The following PRKCQ variants were observed in gnomAD, a reference collection of about 807,000 sequenced individuals.
The protein encoded by PRKCQ is protein kinase C theta type.
Under a neutral mutation model 91.2 loss-of-function variants are expected in PRKCQ, and 41 were observed. That is an observed-to-expected ratio of 0.45 (90% CI 0.35 to 0.58). The LOEUF is 0.58. PRKCQ is among the 20% of genes least tolerant of loss of function. The probability of loss-of-function intolerance (pLI) is 0.00; values close to 1 mark genes in which losing one functional copy is unlikely to be tolerated. For synonymous variants in PRKCQ, 307 were observed against 316.9 expected, an observed-to-expected ratio of 0.97 and a Z score of 0.33; for missense variants, 673 against 896.5, an observed-to-expected ratio of 0.75 and a Z score of 3.18.
intron 4 of PRKCQ, among the ~76,000 whole-genome samples, chr10:6,506,534 C>T (rs766134228): frequency 3.3e-5 from 5 of 152,078 alleles, no homozygotes; most frequent in Admixed American, 6.5e-5. Context: ...AACATAACCG[C>T]AATATTATTA....
At chr10:6,556,044 G>T (rs1438065903) in intron 1 of PRKCQ, among the ~76,000 whole-genome samples, 1 of 152,032 alleles carries the variant, frequency 6.6e-6, no homozygotes, top group Non-Finnish European at 1.5e-5. Flanking sequence ...ACAAAACCAG[G>T]ATATGGTTTA....
the PRKCQ span, among the ~76,000 whole-genome samples, chr10:6,413,975 G>A: frequency 1.3e-5 from 2 of 152,328 alleles, no homozygotes; most frequent in African/African-American, 4.8e-5. Flanking sequence ...CAGCCCTGAC[G>A]ACATTGGACA....
chr10:6,495,839 A>G (rs538695203), intron 7 of PRKCQ, among the ~76,000 whole-genome samples: 1 of 152,118 alleles, frequency 6.6e-6, no homozygotes, highest in East Asian at 1.9e-4. Context: ...AAAATTACCT[A>G]TTGGGTGTAA....
intron 1 of PRKCQ, among the ~76,000 whole-genome samples, chr10:6,572,298 A>G (rs1003388073): frequency 1.3e-5 from 2 of 151,976 alleles, no homozygotes; most frequent in Non-Finnish European, 2.9e-5. Flanking sequence ...TAAACGTGCC[A>G]TGGTGGTTTG....
chr10:6,432,492 C>T (rs1833472592), intron 16 of PRKCQ, among the ~76,000 whole-genome samples: 1 of 152,200 alleles, frequency 6.6e-6, no homozygotes, highest in South Asian at 2.1e-4. Flanking sequence ...CTTCCTCTCT[C>T]CCCCTTACCA....
At chr10:6,418,219 G>C in the PRKCQ span, among the ~76,000 whole-genome samples, 20 of 152,138 alleles carry the variant, frequency 1.3e-4, no homozygotes. Flanking sequence ...TAAAAAGAAA[G>C]GAAAAGATGC....
At position 6,497,114 on chromosome 10, in the gene PRKCQ, T is replaced by A. The variant is rs370454392; in HGVS notation, c.581A>T (p.Asn194Ile). ...NKQGYQCRQCNAAIHKKCIDK... is the reference protein window; with the variant it reads ...NKQGYQCRQCIAAIHKKCIDK... ...AATACACTTCTTGTGAATTGCTGCATTGCATTCTGAAAAGAAGAAAAAAAT... is the reference window on the plus strand; with the variant it reads ...AATACACTTCTTGTGAATTGCTGCAATGCATTCTGAAAAGAAGAAAAAAAT... The change falls in exon 7 of 18, where the codon AAT (asparagine) becomes ATT (isoleucine). Residue 194 changes from asparagine to isoleucine, a missense_variant. Asn to Ile is a moderately radical substitution (Grantham distance 149). Coordinates refer to ENST00000263125, the MANE Select transcript of PRKCQ (RefSeq NM_006257.5). This position sits in a 1 kb window ranked among gnomAD's most constrained non-coding sequence, Gnocchi z 4.5. The A allele has an allele frequency of 6.2e-7, 1 of 1,613,878 alleles. No homozygotes were observed. The highest frequency in any genetic ancestry group is 1.3e-5 in the African/African-American group (1 of 74,898).
At position 6,498,744 on chromosome 10, in the gene PRKCQ, C is replaced by G. The variant is rs45503394; in HGVS notation, c.380-186G>C. Among the ~76,000 whole-genome samples, 2,147 of 152,262 alleles carry G rather than the reference C, an allele frequency of 0.014. 18 individuals are homozygous for G. Among genetic ancestry groups the G allele is most frequent in the Non-Finnish European group, 0.022 (1,510 of 68,020 alleles). ...AAGCATCTTTCCTCAAATTCTACAA[C>G]ACAGATTCATCATAGGGCATATTGT... On this transcript the variant is annotated intron_variant, in intron 4 of 17. Transcript: ENST00000263125.
intron 8 of PRKCQ, 106 bp from the exon 9 acceptor site, chr10:6,486,250 A>G: frequency 1.1e-6 from 1 of 885,470 alleles, no homozygotes; most frequent in Non-Finnish European, 1.8e-6. Context: ...AGGAAAGCCT[A>G]AAGTGCCACG....
At chr10:6,483,383 A>C in intron 11 of PRKCQ, 57 bp downstream of exon 11, 1 of 1,602,894 alleles carries the variant, frequency 6.2e-7, no homozygotes, top group South Asian at 1.1e-5. Flanking sequence ...TTGACCAGGA[A>C]CTTGGCTCAT....
chr10:6,577,002 AAAT>A (rs1310216953), intron 1 of PRKCQ, among the ~76,000 whole-genome samples: 4 of 152,186 alleles, frequency 2.6e-5, no homozygotes, highest in Non-Finnish European at 4.4e-5. Context: ...CATAAATTCT[AAAT>A]AATAAAGACT....
At chr10:6,420,878 T>C in the PRKCQ span, among the ~76,000 whole-genome samples, 3 of 109,864 alleles carry the variant, frequency 2.7e-5, no homozygotes, top group African/African-American at 1.1e-4. Flanking sequence ...GTAGATCTTT[T>C]TTTCATTTGT....
At chr10:6,459,063 T>G (rs555456829) in intron 14 of PRKCQ, among the ~76,000 whole-genome samples, 50 of 152,336 alleles carry the variant, frequency 3.3e-4, no homozygotes, top group African/African-American at 1.2e-3. Context: ...TGAAGCTGGA[T>G]GCACCTGTTG....
chr10:6,496,724 G>A (rs1022953117), intron 7 of PRKCQ, among the ~76,000 whole-genome samples: 8 of 151,668 alleles, frequency 5.3e-5, no homozygotes, highest in Non-Finnish European at 8.8e-5. Context: ...GCCCAGACTG[G>A]AGTGCGGTGG....
downstream of PRKCQ, among the ~76,000 whole-genome samples, chr10:6,424,104 A>G (rs192676385): frequency 6.6e-6 from 1 of 152,134 alleles, no homozygotes; most frequent in Admixed American, 6.5e-5. Flanking sequence ...GTAAACAAGC[A>G]AAATTCTCGG....
chr10:6,499,561 C>T (rs1837791799), intron 4 of PRKCQ, among the ~76,000 whole-genome samples: 1 of 152,026 alleles, frequency 6.6e-6, no homozygotes, highest in Non-Finnish European at 1.5e-5. Flanking sequence ...AAATGATACA[C>T]AAATAAATAT....
At chr10:6,554,040 G>A (rs1269512367) in intron 1 of PRKCQ, among the ~76,000 whole-genome samples, 2 of 152,046 alleles carry the variant, frequency 1.3e-5, no homozygotes, top group Non-Finnish European at 2.9e-5. Flanking sequence ...GTTCAAGTAG[G>A]GAAGAAAGAC....
At chr10:6,511,390 T>C (rs1186844747) in intron 2 of PRKCQ, among the ~76,000 whole-genome samples, 196 bp from the exon 3 acceptor site, 1 of 152,196 alleles carries the variant, frequency 6.6e-6, no homozygotes, top group East Asian at 1.9e-4. Flanking sequence ...TGCAAGGTGA[T>C]GCATTGAACC....
At position 6,427,706 on chromosome 10, in the gene PRKCQ, A is replaced by C; in HGVS notation, c.*501T>G. 6.4e-6 allele frequency: 1 copy of C among 155,354 alleles called. No individual in the cohort carries two copies. The highest frequency in any genetic ancestry group is 1.4e-5 in the Non-Finnish European group (1 of 69,840). 9.6% of individuals were successfully genotyped at this position (155,354 alleles called of 1,614,324 possible). A position where few individuals can be genotyped will look rare whatever the true frequency, so the allele number is the denominator to read the frequency against. On this transcript the variant is annotated 3_prime_UTR_variant, in exon 18 of 18. Transcript: ENST00000263125. The stretch of plus-strand genomic sequence containing the variant: ...CCTATCCAGGGCTGGCCCCCCAGCC[A>C]TTTACACATCCACAGATAGGAATAG...
Sources: allele counts gnomAD v4.1 joint callset (sites outside exome capture counted in the v4.1 genomes callset), GRCh38; gene constraint gnomAD v4.1.1; non-coding constraint Gnocchi (gnomAD v3.1); transcripts MANE v1.5; gene names NCBI Gene and HGNC (gene_info 2026-07-23, HGNC 2026-07-21).